The following ERP44 variants were observed in gnomAD, a reference collection of about 807,000 sequenced individuals.
ERP44 encodes the protein endoplasmic reticulum resident protein 44.
A neutral mutation model predicts 53.4 loss-of-function variants in ERP44; 25 were observed. That is an observed-to-expected ratio of 0.47 (90% CI 0.34 to 0.65). ERP44 has a LOEUF of 0.65. Among genes scored for constraint, ERP44 ranks in the 30% least tolerant of loss-of-function variants. The pLI, the probability that ERP44 is intolerant of heterozygous loss-of-function variation, is 0.01. For synonymous variants in ERP44, 145 were observed against 161.2 expected, an observed-to-expected ratio of 0.90 and a Z score of 0.76; for missense variants, 338 against 493.2, an observed-to-expected ratio of 0.69 and a Z score of 2.98.
chr9:100,028,178 G>T (rs1830673660), intron 4 of ERP44, among the ~76,000 whole-genome samples: 1 of 152,222 alleles, frequency 6.6e-6, no homozygotes, highest in African/African-American at 2.4e-5. Flanking sequence ...ATGGGTGCAT[G>T]TGCTACCTAA....
Position 99,982,594 on chromosome 9 carries a change from A to G in ERP44, c.*18T>C. 1.4e-6 allele frequency: 2 copies of G among 1,388,214 alleles called. No individual in the cohort carries two copies. Among genetic ancestry groups the G allele is most frequent in the African/African-American group, 1.5e-5 (1 of 68,848 alleles). The allele number at this position is 1,388,214 out of a possible 1,614,324, so 86.0% of individuals were successfully genotyped here. Reference sequence around the variant, plus strand: ...TTGATGCTGCTGTTGAAAGGCTTACAAACTGTTTTTCAAGTTTTTAAAGCT... The same window carrying G: ...TTGATGCTGCTGTTGAAAGGCTTACGAACTGTTTTTCAAGTTTTTAAAGCT... On this transcript the variant is annotated 3_prime_UTR_variant, in exon 12 of 12. Transcript: ENST00000262455.
intron 1 of ERP44, among the ~76,000 whole-genome samples, chr9:100,067,041 T>C (rs1826217632): frequency 6.6e-6 from 1 of 152,176 alleles, no homozygotes; most frequent in South Asian, 2.1e-4. Context: ...GTGCAACCCA[T>C]CTTGGTCATG....
At chr9:100,024,733 T>C (rs944754688) in intron 4 of ERP44, among the ~76,000 whole-genome samples, 4 of 152,130 alleles carry the variant, frequency 2.6e-5, no homozygotes, top group African/African-American at 9.7e-5. Context: ...GAATCAAGAT[T>C]TTCAGCATAA....
chr9:100,074,707 A>C (rs1291041949), intron 1 of ERP44, among the ~76,000 whole-genome samples: 2 of 152,184 alleles, frequency 1.3e-5, no homozygotes, highest in Non-Finnish European at 1.5e-5. Context: ...GCATTGGAGA[A>C]AGGGAAATAA....
intron 1 of ERP44, among the ~76,000 whole-genome samples, chr9:100,065,115 C>A (rs1313538537): frequency 1.3e-5 from 2 of 152,176 alleles, no homozygotes; most frequent in African/African-American, 4.8e-5. Flanking sequence ...TCACCCAGAG[C>A]AACTTCTAGT....
chr9:100,042,015 T>C (rs962608336), intron 4 of ERP44, among the ~76,000 whole-genome samples: 1 of 152,144 alleles, frequency 6.6e-6, no homozygotes, highest in Non-Finnish European at 1.5e-5. Context: ...TCTTGAGCAA[T>C]CTCCGATAGG....
intron 1 of ERP44, among the ~76,000 whole-genome samples, chr9:100,096,601 T>C (rs932970942): frequency 1.3e-5 from 2 of 152,106 alleles, no homozygotes; most frequent in African/African-American, 4.8e-5. Flanking sequence ...TGAACACCAC[T>C]AAATTTGAAC....
Position 100,018,260 on chromosome 9 carries a change from G to C in ERP44, c.641C>G (p.Pro214Arg), listed in dbSNP as rs753168288. 1 of 1,592,578 alleles carries C rather than the reference G, an allele frequency of 6.3e-7. No homozygotes were observed. Among genetic ancestry groups the C allele is most frequent in the South Asian group, 1.1e-5 (1 of 90,668 alleles). The stretch of plus-strand genomic sequence containing the variant: ...CATTAAGAAATAGCAACTTACCCCT[G>C]GTGGTTTGTAGATTATGTTGTCGCC... ...YSGDNIIYKPPGHSAPDMVYL... is the reference protein window; with the variant it reads ...YSGDNIIYKPRGHSAPDMVYL... Residue 214 changes from proline to arginine, a missense_variant, in exon 7 of 12, where the codon CCA becomes CGA. This residue lies in a region of ERP44 where 224 missense variants were observed against 301.4 expected (regional missense o/e 0.74). Transcript: ENST00000262455.
intron 3 of ERP44, among the ~76,000 whole-genome samples, chr9:100,056,082 A>G (rs1564099360): frequency 6.6e-6 from 1 of 152,244 alleles, no homozygotes. Flanking sequence ...TCAGCAGCAC[A>G]TTCTATTACC....
intron 10 of ERP44, among the ~76,000 whole-genome samples, chr9:99,999,321 G>C (rs1881752): frequency 0.22 from 33,086 of 152,012 alleles, 4,315 homozygotes; most frequent in Admixed American, 0.3. Flanking sequence ...TTTTCTTACT[G>C]ATTTAAGTTC....
intron 8 of ERP44, among the ~76,000 whole-genome samples, chr9:100,011,721 A>T (rs1830478379): frequency 6.6e-6 from 1 of 152,216 alleles, no homozygotes; most frequent in African/African-American, 2.4e-5. Flanking sequence ...ATTACTCAGA[A>T]TCCAGGGAAA....
At chr9:100,063,405 A>G (rs1394357538) in intron 1 of ERP44, among the ~76,000 whole-genome samples, 3 of 152,102 alleles carry the variant, frequency 2.0e-5, no homozygotes, top group Non-Finnish European at 4.4e-5. Context: ...GTATGAAGGG[A>G]AAGACGGGTT....
At chr9:100,059,378 C>T (rs942684941) in intron 2 of ERP44, among the ~76,000 whole-genome samples, 4 of 152,116 alleles carry the variant, frequency 2.6e-5, no homozygotes, top group African/African-American at 9.7e-5. Flanking sequence ...TGTCAGCAAA[C>T]AAACCATTCA....
rs578096873 is a variant in ERP44 at position 99,979,629 on chromosome 9, C to T, written c.*2983G>A. 2.0e-5 allele frequency: 5 copies of T among 252,404 alleles called. No homozygotes were observed. The highest frequency in any genetic ancestry group is 4.4e-5 in the African/African-American group (2 of 45,208). The allele number at this position is 252,404 out of a possible 1,614,324, so 15.6% of individuals were successfully genotyped here. ...GGTCCCCCTCACAATTTGAAAAACTCGAAGAGGTAGCTGGCTAAGAAGCAG... is the reference window on the plus strand; with the variant it reads ...GGTCCCCCTCACAATTTGAAAAACTTGAAGAGGTAGCTGGCTAAGAAGCAG... On this transcript the variant is annotated 3_prime_UTR_variant, in exon 12 of 12. Coordinates refer to ENST00000262455, the MANE Select transcript of ERP44 (RefSeq NM_015051.3).
chr9:100,020,809 A>C, intron 5 of ERP44, 78 bp from the exon 6 acceptor site: 1 of 736,694 alleles, frequency 1.4e-6, no homozygotes, highest in Non-Finnish European at 2.3e-6. Context: ...CCGTTATCTT[A>C]GTACCTAAAC....
At chr9:100,031,962 T>C (rs1825795533) in intron 4 of ERP44, among the ~76,000 whole-genome samples, 1 of 152,170 alleles carries the variant, frequency 6.6e-6, no homozygotes, top group Non-Finnish European at 1.5e-5. Context: ...ACTTAAGAAA[T>C]GTATTTTTGG....
chr9:100,081,843 G>T (rs763014946), intron 1 of ERP44, among the ~76,000 whole-genome samples: 1 of 152,092 alleles, frequency 6.6e-6, no homozygotes, highest in Non-Finnish European at 1.5e-5. Flanking sequence ...AACGTTGTAG[G>T]TATAAAAATG....
At chr9:100,020,824 C>A in intron 5 of ERP44, 93 bp from the exon 6 acceptor site, 1 of 651,676 alleles carries the variant, frequency 1.5e-6, no homozygotes, top group South Asian at 1.9e-5. Context: ...CTAAACAAGT[C>A]CAGTCATTGT....
intron 1 of ERP44, among the ~76,000 whole-genome samples, chr9:100,067,981 G>A (rs973193666): frequency 6.6e-6 from 1 of 151,662 alleles, no homozygotes; most frequent in Non-Finnish European, 1.5e-5. Context: ...CGGGAGGGAG[G>A]TGGGGGTCAG....
Sources: allele counts gnomAD v4.1 joint callset (sites outside exome capture counted in the v4.1 genomes callset), GRCh38; gene constraint gnomAD v4.1.1; regional missense constraint gnomAD v4.1.1; transcripts MANE v1.5; gene names NCBI Gene and HGNC (gene_info 2026-07-23, HGNC 2026-07-21).